Variants in TSPEAR observed in about 807,000 individuals in gnomAD.
The protein encoded by TSPEAR is thrombospondin-type laminin G domain and EAR repeat-containing protein.
Under a neutral mutation model 71.6 loss-of-function variants are expected in TSPEAR, and 69 were observed. The observed-to-expected ratio is 0.96, with a 90% CI of 0.79 to 1.18. The LOEUF (loss-of-function observed/expected upper bound fraction) is 1.18. TSPEAR is among the 50% of genes most tolerant of loss of function. TSPEAR has a pLI of 0.00. For synonymous variants in TSPEAR, 402 were observed against 387.2 expected (o/e 1.04, Z -0.45); for missense variants, 971 against 894.9 (o/e 1.09, Z -1.09).
rs1239465727 is a variant in TSPEAR, at chr21:44,497,994, A to G, written c.*1789T>C. ...GATGTTGAAGGCTTCAGTCAAGGGG[A>G]AAAGCCGGCTGGAGGGGGCAGAGGG... On this transcript the variant is annotated 3_prime_UTR_variant, in exon 12 of 12. Transcript: ENST00000323084. The G allele has an allele frequency of 6.6e-6, 1 of 152,252 alleles. No individual in the cohort carries two copies. The highest frequency in any genetic ancestry group is 2.4e-5 in the African/African-American group (1 of 41,434). 9.4% of individuals were successfully genotyped at this position (152,252 alleles called of 1,614,324 possible). A position where few individuals can be genotyped will look rare whatever the true frequency, so the allele number is the denominator to read the frequency against.
At chr21:44,513,227 A>C (rs955238918) in intron 9 of TSPEAR, among the ~76,000 whole-genome samples, 2 of 152,112 alleles carry the variant, frequency 1.3e-5, no homozygotes, top group Admixed American at 1.3e-4. Context: ...CCTCCTCCCT[A>C]TGCCAGGCTG....
chr21:44,537,905 A>C (rs1356328018), intron 2 of TSPEAR, among the ~76,000 whole-genome samples: 2 of 152,222 alleles, frequency 1.3e-5, no homozygotes, highest in Admixed American at 1.3e-4. Flanking sequence ...GGTTCCCAGC[A>C]GCCGTCAGTG....
rs782031529 is a variant in TSPEAR at position 44,558,262 on chromosome 21, A to C, written c.303+9523T>G. The stretch of plus-strand genomic sequence containing the variant: ...AGGGACACGGAGGAGGAGGGTCTGC[A>C]GCAGGAGGTGGTGCAGCAAGCCGGC... On this transcript the variant is annotated intron_variant, in intron 2 of 11. Transcript: ENST00000323084. 36 of 1,613,918 alleles carry C rather than the reference A, an allele frequency of 2.2e-5. No homozygotes were observed. Among genetic ancestry groups the C allele is most frequent in the South Asian group, 1.6e-4 (15 of 91,078 alleles).
Position 44,659,176 on chromosome 21 carries a change from C to G in TSPEAR, c.82+52257G>C, listed in dbSNP as rs13050829. ...AGCTCAATAAGCAACGTCAGCCTGC[C>G]TCTGGGGAAAGGCAGAAGTGTGTAG... On this transcript the variant is annotated intron_variant, in intron 1 of 11. Transcript: ENST00000323084. 2.6e-4 allele frequency among the ~76,000 whole-genome samples: 39 copies of G among 152,274 alleles called. No individual in the cohort carries two copies. In the South Asian group the frequency reaches 7.7e-3, roughly 30 times the overall value.
chr21:44,538,326 C>G (rs1264721890), intron 2 of TSPEAR, among the ~76,000 whole-genome samples: 1 of 151,966 alleles, frequency 6.6e-6, no homozygotes, highest in Admixed American at 6.6e-5. Context: ...GTGGACCAAG[C>G]CTTAGAGAGA....
intron 6 of TSPEAR, among the ~76,000 whole-genome samples, chr21:44,527,852 G>A (rs2052888854): frequency 6.6e-6 from 1 of 152,182 alleles, no homozygotes; most frequent in African/African-American, 2.4e-5. Context: ...CGGAACCCAT[G>A]CCCATTTCCC....
Position 44,499,060 on chromosome 21 carries a change from A to G in TSPEAR, c.*723T>C, listed in dbSNP as rs1463239902. On this transcript the variant is annotated 3_prime_UTR_variant, in exon 12 of 12. Coordinates refer to ENST00000323084, the MANE Select transcript of TSPEAR (RefSeq NM_144991.3). ...CAGTCAGCTGGAGGACATGTGATTAAAATGCTGCTGAATAGGGAAAAAATC... is the reference window on the plus strand; with the variant it reads ...CAGTCAGCTGGAGGACATGTGATTAGAATGCTGCTGAATAGGGAAAAAATC... The G allele has an allele frequency of 6.6e-6, 1 of 152,274 alleles. No homozygotes were observed. Among genetic ancestry groups the G allele is most frequent in the Non-Finnish European group, 1.5e-5 (1 of 68,060 alleles). 9.4% of individuals were successfully genotyped at this position (152,274 alleles called of 1,614,324 possible). A position where few individuals can be genotyped will look rare whatever the true frequency, so the allele number is the denominator to read the frequency against.
At chr21:44,679,869 C>T (rs1231943775) in intron 1 of TSPEAR, among the ~76,000 whole-genome samples, 1 of 152,194 alleles carries the variant, frequency 6.6e-6, no homozygotes, top group African/African-American at 2.4e-5. Flanking sequence ...TACCTCTCAT[C>T]ATATACAGAA....
At chr21:44,620,361 TATGA>T (rs1555933307) in intron 1 of TSPEAR, among the ~76,000 whole-genome samples, 1 of 152,242 alleles carries the variant, frequency 6.6e-6, no homozygotes, top group East Asian at 1.9e-4. Flanking sequence ...GCTAAAGCAA[TATGA>T]ATGAAGAAAG....
chr21:44,533,220 C>G (rs1200909081), intron 3 of TSPEAR, among the ~76,000 whole-genome samples: 1 of 152,210 alleles, frequency 6.6e-6, no homozygotes, highest in African/African-American at 2.4e-5. Flanking sequence ...AGGCCCATTC[C>G]CCTTCCAGCC....
At position 44,661,281 on chromosome 21, in the gene TSPEAR, CAAA is replaced by C. The variant is rs10572767; in HGVS notation, c.82+50149_82+50151del. On this transcript the variant is annotated intron_variant, in intron 1 of 11. Coordinates refer to ENST00000323084, the MANE Select transcript of TSPEAR (RefSeq NM_144991.3). ...GGTGACACAGAGTGAGACTCCGTCT[CAAA>C]AAAAAAAAAAAAAAAAAAAGCATTA... is the stretch of plus-strand genomic sequence containing the variant. Among the ~76,000 whole-genome samples, 729 of 79,734 alleles carry C rather than the reference CAAA, an allele frequency of 9.1e-3. 1 individual carries two copies. The highest frequency in any genetic ancestry group is 0.034 in the African/African-American group (684 of 20,216). 52.3% of individuals were successfully genotyped at this position (79,734 alleles called of 152,430 possible).
chr21:44,631,081 G>GAAA (rs4050977), intron 1 of TSPEAR, among the ~76,000 whole-genome samples: 12 of 150,880 alleles, frequency 8.0e-5, no homozygotes, highest in Non-Finnish European at 8.9e-5. Context: ...AGTAAAGAAA[G>GAAA]AAAAAAAAGC....
At chr21:44,589,181 C>G (rs1276468906) in intron 1 of TSPEAR, among the ~76,000 whole-genome samples, 1 of 152,148 alleles carries the variant, frequency 6.6e-6, no homozygotes, top group African/African-American at 2.4e-5. Context: ...AAATAAAAAA[C>G]CAAAATAGAA....
At chr21:44,598,055 T>C (rs1199874536) in intron 1 of TSPEAR, among the ~76,000 whole-genome samples, 1 of 152,162 alleles carries the variant, frequency 6.6e-6, no homozygotes, top group Non-Finnish European at 1.5e-5. Flanking sequence ...TGTTCTTTAA[T>C]TCCTAGTACC....
rs967044068 is a variant in TSPEAR, at chr21:44,612,070, A to G, written c.83-44065T>C. ...CACACAAACCCACACACCTCACACCAGCACTCACACCACCCAGTCCAGCAC... is the reference window on the plus strand; with the variant it reads ...CACACAAACCCACACACCTCACACCGGCACTCACACCACCCAGTCCAGCAC... On this transcript the variant is annotated intron_variant, in intron 1 of 11. Coordinates refer to ENST00000323084, the MANE Select transcript of TSPEAR (RefSeq NM_144991.3). This position sits in a 1 kb window ranked among gnomAD's most constrained non-coding sequence, Gnocchi z 4.1. The G allele has an allele frequency of 6.2e-7, 1 of 1,600,462 alleles. No homozygotes were observed. Among genetic ancestry groups the G allele is most frequent in the Non-Finnish European group, 8.5e-7 (1 of 1,171,164 alleles).
chr21:44,613,913 T>C (rs1601487601), intron 1 of TSPEAR, among the ~76,000 whole-genome samples: 1 of 152,008 alleles, frequency 6.6e-6, no homozygotes, highest in South Asian at 2.1e-4. Context: ...CCTGGCCAGG[T>C]TCTTCAAGGC....
chr21:44,674,094 G>A (rs73234820), intron 1 of TSPEAR, among the ~76,000 whole-genome samples: 5,786 of 145,944 alleles, frequency 0.04, 122 homozygotes, highest in Middle Eastern at 0.085. Context: ...AGGCCAGTCT[G>A]AGCAACACAG....
At chr21:44,521,621 G>A (rs2052736382) in intron 9 of TSPEAR, among the ~76,000 whole-genome samples, 4 of 152,254 alleles carry the variant, frequency 2.6e-5, no homozygotes, top group Admixed American at 2.0e-4. Context: ...CAGAGCCAGG[G>A]TGCGCCTCCT....
intron 2 of TSPEAR, chr21:44,540,095 A>G: frequency 8.7e-6 from 14 of 1,613,784 alleles, no homozygotes; most frequent in Non-Finnish European, 1.2e-5. Flanking sequence ...GCAGGCATCC[A>G]CCTGCCAGGA....
Sources: gnomAD v4.1 joint callset for allele counts (sites outside exome capture counted in the v4.1 genomes callset) on GRCh38, gnomAD v4.1.1 for gene constraint, Gnocchi (gnomAD v3.1) non-coding constraint, MANE v1.5 for transcripts, NCBI Gene and HGNC (gene_info 2026-07-23, HGNC 2026-07-21) for gene names.